The following EYA4 variants were observed in gnomAD, a reference collection of about 807,000 sequenced individuals.
EYA4 encodes EYA transcriptional coactivator and phosphatase 4.
In EYA4, 31 loss-of-function variants were observed where a neutral mutation model predicts 87.9. That is an observed-to-expected ratio of 0.35 (90% confidence interval 0.27 to 0.48). The LOEUF is 0.48. EYA4 is among the 20% of genes least tolerant of loss of function. EYA4 has a pLI of 0.99. For synonymous variants in EYA4, 263 were observed against 270.6 expected (o/e 0.97, Z 0.28); for missense variants, 678 against 761.4 (o/e 0.89, Z 1.29).
At chr6:133,467,633 A>G (rs1276194890) in intron 10 of EYA4, among the ~76,000 whole-genome samples, 1 of 152,038 alleles carries the variant, frequency 6.6e-6, no homozygotes, top group Non-Finnish European at 1.5e-5. Context: ...AGATATACAT[A>G]TTTACTTATA....
intron 2 of EYA4, among the ~76,000 whole-genome samples, chr6:133,375,911 T>A (rs1171354212): frequency 6.6e-6 from 1 of 151,832 alleles, no homozygotes; most frequent in Non-Finnish European, 1.5e-5. Flanking sequence ...AGGCAATAAT[T>A]TACAACAATT....
At chr6:133,500,509 T>A (rs566501805) in intron 13 of EYA4, among the ~76,000 whole-genome samples, 2 of 152,276 alleles carry the variant, frequency 1.3e-5, no homozygotes, top group East Asian at 3.9e-4. Context: ...GAACTCTTCC[T>A]ATTGGAGGTT....
At chr6:133,406,488 A>G (rs1160174979) in intron 3 of EYA4, among the ~76,000 whole-genome samples, 1 of 152,240 alleles carries the variant, frequency 6.6e-6, no homozygotes, top group Non-Finnish European at 1.5e-5. Context: ...AGTGATAGGT[A>G]AGGTCAAAAG....
At chr6:133,339,051 G>T (rs1392443886) in intron 2 of EYA4, among the ~76,000 whole-genome samples, 3 of 152,104 alleles carry the variant, frequency 2.0e-5, no homozygotes, top group Non-Finnish European at 4.4e-5. Context: ...TGCAGGGTCA[G>T]GTAAGGAAAG....
At chr6:133,391,198 T>C (rs890175532) in intron 3 of EYA4, among the ~76,000 whole-genome samples, 13 of 138,614 alleles carry the variant, frequency 9.4e-5, no homozygotes, top group African/African-American at 3.3e-4. Context: ...TTTTAGTATC[T>C]ATTATTTTTT....
Position 133,462,451 on chromosome 6 carries a change from G to C in EYA4, c.554G>C (p.Gly185Ala), listed in dbSNP as rs1394451066. The C allele has an allele frequency of 1.2e-6, 2 of 1,613,918 alleles. No homozygotes were observed. Among genetic ancestry groups the C allele is most frequent in the African/African-American group, 1.3e-5 (1 of 74,910 alleles). ...GTCTACACAGCCTACTCACAGACAG[G>C]ACAGCCCTACAGCTTGCCCACTTAC... ...PAVYTAYSQT[G>A]QPYSLPTYDL... The change falls in exon 8 of 20, where the codon GGA (glycine) becomes GCA (alanine). Residue 185 changes from glycine (G) to alanine (A), a missense_variant. Coordinates refer to ENST00000355286, the MANE Select transcript of EYA4 (RefSeq NM_004100.5).
intron 18 of EYA4, chr6:133,524,948 A>T (rs559531849): frequency 1.5e-6 from 2 of 1,343,558 alleles, no homozygotes; most frequent in East Asian, 4.6e-5. Context: ...CATTAACTTA[A>T]CACTTTATGA....
At chr6:133,268,183 C>T (rs1277381074) in intron 1 of EYA4, among the ~76,000 whole-genome samples, 1 of 152,118 alleles carries the variant, frequency 6.6e-6, no homozygotes, top group Non-Finnish European at 1.5e-5. Context: ...ATTTAGTGGG[C>T]ATTTAAACTT....
At chr6:133,355,784 A>G (rs774067120) in intron 2 of EYA4, among the ~76,000 whole-genome samples, 25 of 152,370 alleles carry the variant, frequency 1.6e-4, no homozygotes, top group Middle Eastern at 6.8e-3. Context: ...GTAAAAATCA[A>G]TAAAAATAAG....
intron 1 of EYA4, among the ~76,000 whole-genome samples, chr6:133,244,597 A>AT (rs144261127): frequency 0.2 from 30,091 of 147,900 alleles, 3,185 homozygotes; most frequent in African/African-American, 0.24. Context: ...GCTATAATTT[A>AT]TTTTTTTCTT....
chr6:133,373,698 A>G (rs570276488), intron 2 of EYA4, among the ~76,000 whole-genome samples: 2 of 152,110 alleles, frequency 1.3e-5, no homozygotes, highest in Non-Finnish European at 2.9e-5. Flanking sequence ...AGGACGGCAA[A>G]GAAACATATA....
At chr6:133,347,361 A>AT (rs962423179) in intron 2 of EYA4, among the ~76,000 whole-genome samples, 15 of 150,868 alleles carry the variant, frequency 9.9e-5, no homozygotes, top group African/African-American at 2.9e-4. Flanking sequence ...TCCTTTTTAA[A>AT]TTTTTTTTTC....
chr6:133,518,448 C>T (rs1473535146), intron 17 of EYA4, among the ~76,000 whole-genome samples: 1 of 151,864 alleles, frequency 6.6e-6, no homozygotes, highest in East Asian at 1.9e-4. Context: ...CTTTTAATGG[C>T]AAAAAACAAA....
intron 2 of EYA4, among the ~76,000 whole-genome samples, chr6:133,316,482 G>A (rs1197890183): frequency 6.6e-6 from 1 of 152,134 alleles, no homozygotes; most frequent in Non-Finnish European, 1.5e-5. Flanking sequence ...TGTAGCTGTT[G>A]AGTACTGGAG....
chr6:133,285,205 C>T (rs762989480), intron 2 of EYA4, among the ~76,000 whole-genome samples: 2 of 152,018 alleles, frequency 1.3e-5, no homozygotes, highest in South Asian at 4.1e-4. Flanking sequence ...ACCATGTTAG[C>T]GGGGATGGTC....
At chr6:133,315,361 G>A (rs1383739563) in intron 2 of EYA4, among the ~76,000 whole-genome samples, 1 of 152,130 alleles carries the variant, frequency 6.6e-6, no homozygotes, top group East Asian at 1.9e-4. Flanking sequence ...TCCTTTTATG[G>A]CAATTTCAAC....
chr6:133,270,327 G>C (rs898026106), intron 1 of EYA4, among the ~76,000 whole-genome samples: 1 of 152,104 alleles, frequency 6.6e-6, no homozygotes, highest in Non-Finnish European at 1.5e-5. Flanking sequence ...GCTGTCCTTT[G>C]TATAACCGGA....
chr6:133,408,408 G>A (rs1228716483), intron 3 of EYA4, among the ~76,000 whole-genome samples: 1 of 152,068 alleles, frequency 6.6e-6, no homozygotes, highest in Non-Finnish European at 1.5e-5. Flanking sequence ...TTTATGTAGA[G>A]GTTAAAAATA....
At chr6:133,501,488 C>T (rs1201022824) in intron 13 of EYA4, among the ~76,000 whole-genome samples, 3 of 152,090 alleles carry the variant, frequency 2.0e-5, no homozygotes, top group Non-Finnish European at 2.9e-5. Flanking sequence ...AAGCCCACTA[C>T]CTATCCATCA....
Sources: gnomAD v4.1 joint callset for allele counts (sites outside exome capture counted in the v4.1 genomes callset) on GRCh38, gnomAD v4.1.1 for gene constraint, MANE v1.5 for transcripts, NCBI Gene and HGNC (gene_info 2026-07-23, HGNC 2026-07-21) for gene names.